Variants in PTPN1 observed in about 807,000 individuals in gnomAD.
The protein encoded by PTPN1 is protein tyrosine phosphatase non-receptor type 1, also known as tyrosine-protein phosphatase non-receptor type 1.
Under a neutral mutation model 59.9 loss-of-function variants are expected in PTPN1, and 12 were observed. The observed-to-expected ratio is 0.20, with a 90% CI of 0.13 to 0.32. The LOEUF (loss-of-function observed/expected upper bound fraction) is 0.32, where lower values mean the gene tolerates loss of function less well. Among genes scored for constraint, PTPN1 ranks in the 10% least tolerant of loss-of-function variants. The pLI is 1.00. For synonymous variants in PTPN1, 178 were observed against 203.6 expected (o/e 0.87, Z 1.07); for missense variants, 356 against 549.2 (o/e 0.65, Z 3.52).
At chr20:50,515,469 T>G (rs2082525033) in intron 1 of PTPN1, among the ~76,000 whole-genome samples, 1 of 152,176 alleles carries the variant, frequency 6.6e-6, no homozygotes, top group African/African-American at 2.4e-5. Context: ...TTTTTTAAAT[T>G]TTTATAAAGT....
intron 5 of PTPN1, chr20:50,577,732 T>C (rs1473216540): frequency 6.6e-6 from 1 of 152,380 alleles, no homozygotes; most frequent in Non-Finnish European, 1.5e-5. Flanking sequence ...GCTCTCAGCA[T>C]GGACTCTCTG....
At chr20:50,549,794 T>G (rs552427943) in intron 1 of PTPN1, among the ~76,000 whole-genome samples, 2 of 152,326 alleles carry the variant, frequency 1.3e-5, no homozygotes, top group East Asian at 3.9e-4. Context: ...AGTATATGAT[T>G]TATTTCATAT....
intron 1 of PTPN1, among the ~76,000 whole-genome samples, chr20:50,512,814 A>C (rs2082513191): frequency 6.6e-6 from 1 of 152,236 alleles, no homozygotes; most frequent in Non-Finnish European, 1.5e-5. Flanking sequence ...TCGCTTTACC[A>C]AAACCATTAT....
intron 1 of PTPN1, among the ~76,000 whole-genome samples, chr20:50,555,118 A>C (rs1257756965): frequency 2.0e-5 from 3 of 152,356 alleles, no homozygotes; most frequent in Middle Eastern, 3.4e-3. Context: ...ATAGAGTAGA[A>C]GTTAGTGAAG....
chr20:50,547,300 G>C (rs997055526), intron 1 of PTPN1, among the ~76,000 whole-genome samples: 2 of 151,970 alleles, frequency 1.3e-5, no homozygotes, highest in African/African-American at 4.8e-5. Flanking sequence ...GGCTCTAGAA[G>C]CTTACTATAA....
chr20:50,578,663 C>G (rs1338749284), intron 6 of PTPN1, 34 bp downstream of exon 6: 4 of 1,562,600 alleles, frequency 2.6e-6, no homozygotes, highest in Admixed American at 3.5e-5. Flanking sequence ...CTGGGGAGCT[C>G]CTCTACCTGC....
intron 1 of PTPN1, among the ~76,000 whole-genome samples, chr20:50,537,970 G>A (rs1454196274): frequency 6.6e-6 from 1 of 152,156 alleles, no homozygotes; most frequent in East Asian, 1.9e-4. Context: ...AACAGAGGAG[G>A]CTTTGAGCTT....
At chr20:50,570,929 G>A (rs2082805296) in intron 4 of PTPN1, 2 of 152,190 alleles carry the variant, frequency 1.3e-5, no homozygotes, top group Admixed American at 1.3e-4. Context: ...ATTGAGGGTT[G>A]GGAATTTTAA....
chr20:50,523,923 C>A (rs757001311), intron 1 of PTPN1, among the ~76,000 whole-genome samples: 1 of 152,096 alleles, frequency 6.6e-6, no homozygotes, highest in African/African-American at 2.4e-5. Context: ...ACTTCTTGTC[C>A]GTCTCTGTTC....
chr20:50,552,398 C>G (rs1380590852), intron 1 of PTPN1, among the ~76,000 whole-genome samples: 1 of 152,216 alleles, frequency 6.6e-6, no homozygotes, highest in Non-Finnish European at 1.5e-5. Context: ...TCTTCTGTTA[C>G]TGTCACTGTG....
At chr20:50,510,790 G>T (rs2082503571) in intron 1 of PTPN1, among the ~76,000 whole-genome samples, 200 bp downstream of exon 1, 1 of 151,786 alleles carries the variant, frequency 6.6e-6, no homozygotes, top group African/African-American at 2.4e-5. Context: ...CAGCGTCGGA[G>T]CCCCCTTCGA....
At chr20:50,561,562 A>ATT in intron 2 of PTPN1, 109 bp downstream of exon 2, 1 of 652,366 alleles carries the variant, frequency 1.5e-6, no homozygotes, top group Non-Finnish European at 2.5e-6. Flanking sequence ...TCAATGTAGC[A>ATT]GAGGTTTATG....
At chr20:50,515,046 A>G (rs950790115) in intron 1 of PTPN1, among the ~76,000 whole-genome samples, 11 of 152,198 alleles carry the variant, frequency 7.2e-5, no homozygotes, top group African/African-American at 2.7e-4. Context: ...GAAGCCGGTT[A>G]CCCGTTAATA....
chr20:50,562,386 G>A (rs2082757031), intron 2 of PTPN1, among the ~76,000 whole-genome samples: 1 of 152,116 alleles, frequency 6.6e-6, no homozygotes, highest in South Asian at 2.1e-4. Flanking sequence ...TCCTGGAAGG[G>A]GTCTAAAAAT....
chr20:50,532,309 G>T (rs1287219691), intron 1 of PTPN1, among the ~76,000 whole-genome samples: 1 of 152,196 alleles, frequency 6.6e-6, no homozygotes, highest in African/African-American at 2.4e-5. Context: ...TACCTAGCTT[G>T]TGAGGTTCAC....
At chr20:50,563,024 A>C (rs767974419) in intron 2 of PTPN1, 1 of 151,310 alleles carries the variant, frequency 6.6e-6, no homozygotes, top group Middle Eastern at 3.4e-3. Context: ...GTCCAAGTAC[A>C]GTAGTGTTTA....
chr20:50,569,548 C>T (rs2082796474), intron 4 of PTPN1, among the ~76,000 whole-genome samples: 1 of 152,148 alleles, frequency 6.6e-6, no homozygotes, highest in Non-Finnish European at 1.5e-5. Flanking sequence ...TCTGTGTAGA[C>T]TGTCCTGTGT....
At chr20:50,564,854 AGT>A in intron 2 of PTPN1, 113 bp from the exon 3 acceptor site, 1 of 1,487,346 alleles carries the variant, frequency 6.7e-7, no homozygotes, top group Non-Finnish European at 9.0e-7. Context: ...GGCTTCAGCC[AGT>A]GTGAATGCCA....
intron 1 of PTPN1, among the ~76,000 whole-genome samples, chr20:50,538,041 A>G (rs559185619): frequency 1.2e-4 from 19 of 152,154 alleles, no homozygotes; most frequent in Non-Finnish European, 2.6e-4. Context: ...AGCTTTCTCC[A>G]CTGGCTGCCT....
Sources: gnomAD v4.1 joint callset for allele counts (sites outside exome capture counted in the v4.1 genomes callset) on GRCh38, gnomAD v4.1.1 for gene constraint, MANE v1.5 for transcripts, NCBI Gene and HGNC (gene_info 2026-07-23, HGNC 2026-07-21) for gene names.